GMDS: variants seen among roughly 807,000 people sequenced by gnomAD.
The protein encoded by GMDS is GDP-mannose 4,6 dehydratase.
Under a neutral mutation model 49.9 loss-of-function variants are expected in GMDS, and 20 were observed. The ratio of observed to expected loss-of-function variants is 0.40; its 90% CI spans 0.28 to 0.58. The LOEUF (loss-of-function observed/expected upper bound fraction) is 0.58, where lower values mean the gene tolerates loss of function less well. Ranked by LOEUF, GMDS falls within the 20% of genes least tolerant of loss-of-function variation. The probability of loss-of-function intolerance (pLI) is 0.42; values close to 1 mark genes in which losing one functional copy is unlikely to be tolerated. For synonymous variants in GMDS, 177 were observed against 178.6 expected (o/e 0.99, Z 0.07); for missense variants, 362 against 481.4 (o/e 0.75, Z 2.32).
chr6:1,866,977 A>G (rs1361006210), intron 7 of GMDS, among the ~76,000 whole-genome samples: 1 of 152,232 alleles, frequency 6.6e-6, no homozygotes, highest in Non-Finnish European at 1.5e-5. Context: ...ATCGACAACA[A>G]TTTTTAAAAA....
intron 1 of GMDS, among the ~76,000 whole-genome samples, chr6:2,221,193 TAAAC>T (rs1780570157): frequency 6.6e-6 from 1 of 152,072 alleles, no homozygotes; most frequent in Admixed American, 6.5e-5. Context: ...CTCAAACAAA[TAAAC>T]AAAAAAACAC....
chr6:1,767,006 A>C (rs1335382502), intron 7 of GMDS, among the ~76,000 whole-genome samples: 1 of 152,212 alleles, frequency 6.6e-6, no homozygotes, highest in Non-Finnish European at 1.5e-5. Flanking sequence ...GCTGTAGGGC[A>C]CACTGAACTT....
At chr6:1,910,863 T>C (rs913748247) in intron 7 of GMDS, among the ~76,000 whole-genome samples, 3 of 152,228 alleles carry the variant, frequency 2.0e-5, no homozygotes, top group African/African-American at 4.8e-5. Context: ...TTTCTCTGAA[T>C]GAGTTAAGCA....
intron 9 of GMDS, among the ~76,000 whole-genome samples, chr6:1,674,959 C>T (rs1561718650): frequency 1.3e-5 from 2 of 151,304 alleles, no homozygotes. Context: ...TTTTTTGAGA[C>T]AGAGTTTTGC....
At chr6:1,769,017 G>T (rs1768470906) in intron 7 of GMDS, among the ~76,000 whole-genome samples, 1 of 152,134 alleles carries the variant, frequency 6.6e-6, no homozygotes, top group African/African-American at 2.4e-5. Context: ...AGCTTACTCT[G>T]TCTGATTATA....
At chr6:1,873,056 G>C (rs1758855751) in intron 7 of GMDS, among the ~76,000 whole-genome samples, 1 of 152,218 alleles carries the variant, frequency 6.6e-6, no homozygotes, top group South Asian at 2.1e-4. Flanking sequence ...TCACAGGAAA[G>C]ATAGAGACAC....
chr6:2,025,876 T>C (rs2127410772), intron 4 of GMDS, among the ~76,000 whole-genome samples: 1 of 150,850 alleles, frequency 6.6e-6, no homozygotes, highest in Middle Eastern at 3.7e-3. Context: ...TAAATTAGAT[T>C]ATTCTAACAG....
intron 1 of GMDS, among the ~76,000 whole-genome samples, chr6:2,243,547 A>G (rs1781713720): frequency 6.6e-6 from 1 of 152,182 alleles, no homozygotes; most frequent in African/African-American, 2.4e-5. Context: ...AAAAAAGGGA[A>G]TCATCTGCAG....
intron 4 of GMDS, among the ~76,000 whole-genome samples, chr6:2,039,971 G>A (rs776392737): frequency 2.6e-5 from 4 of 152,128 alleles, no homozygotes; most frequent in South Asian, 2.1e-4. Flanking sequence ...TTACACCAGC[G>A]TCACAAACAC....
intron 4 of GMDS, among the ~76,000 whole-genome samples, chr6:2,101,324 A>G (rs570292599): frequency 1.3e-5 from 2 of 152,122 alleles, no homozygotes; most frequent in Non-Finnish European, 2.9e-5. Flanking sequence ...CAAAAAACAA[A>G]AAAAAGAGAG....
At chr6:2,078,610 T>C (rs1344754569) in intron 4 of GMDS, among the ~76,000 whole-genome samples, 5 of 152,120 alleles carry the variant, frequency 3.3e-5, no homozygotes, top group Non-Finnish European at 7.4e-5. Flanking sequence ...TTTTATTCCA[T>C]TGTGTTCTGA....
At chr6:2,185,497 G>A (rs372593165) in intron 1 of GMDS, among the ~76,000 whole-genome samples, 2 of 152,298 alleles carry the variant, frequency 1.3e-5, no homozygotes, top group Non-Finnish European at 1.5e-5. Context: ...CAACAATGTG[G>A]AAGAGTTAAA....
chr6:2,154,016 C>T (rs548142239), intron 1 of GMDS, among the ~76,000 whole-genome samples: 1 of 152,198 alleles, frequency 6.6e-6, no homozygotes, highest in Admixed American at 6.5e-5. Context: ...TGATTTTTGC[C>T]TTGTCCATAC....
intron 4 of GMDS, among the ~76,000 whole-genome samples, chr6:2,058,629 T>C (rs1355488969): frequency 2.6e-5 from 4 of 152,118 alleles, no homozygotes; most frequent in Admixed American, 2.6e-4. Flanking sequence ...TGGGAAGGGA[T>C]GTGGAGCCTG....
At chr6:2,204,500 C>T (rs552050319) in intron 1 of GMDS, among the ~76,000 whole-genome samples, 1 of 152,354 alleles carries the variant, frequency 6.6e-6, no homozygotes, top group South Asian at 2.1e-4. Context: ...CCTGCATTTA[C>T]AAGCTCACCT....
chr6:1,799,961 A>G (rs953112814), intron 7 of GMDS, among the ~76,000 whole-genome samples: 1 of 152,136 alleles, frequency 6.6e-6, no homozygotes, highest in Non-Finnish European at 1.5e-5. Context: ...TTCATACCTT[A>G]ATGTCTTTTT....
intron 4 of GMDS, among the ~76,000 whole-genome samples, chr6:2,019,006 CTT>C (rs1012406189): frequency 3.9e-5 from 6 of 151,916 alleles, no homozygotes; most frequent in African/African-American, 1.5e-4. Context: ...TTGGTACTGT[CTT>C]TTTTATTATA....
chr6:2,141,373 C>T lies in GMDS; in HGVS notation c.103-16642G>A, dbSNP rs747170928. ...TTTCATGACCTAAACTGGACACAGG[C>T]CTGTTTATCATACGCACATGTAGAG... On this transcript the variant is annotated intron_variant, in intron 1 of 10. Transcript: ENST00000380815. Among the ~76,000 whole-genome samples, 68 of 152,192 alleles carry T rather than the reference C, an allele frequency of 4.5e-4. 1 individual carries two copies. The highest frequency in any genetic ancestry group is 1.0e-3 in the Admixed American group (16 of 15,286).
At chr6:1,678,028 CTTT>C (rs1581446973) in intron 9 of GMDS, among the ~76,000 whole-genome samples, 1 of 152,162 alleles carries the variant, frequency 6.6e-6, no homozygotes, top group East Asian at 1.9e-4. Context: ...GATGGAACTT[CTTT>C]AACTTTTTAT....
Sources: gnomAD v4.1 joint callset for allele counts (sites outside exome capture counted in the v4.1 genomes callset) on GRCh38, gnomAD v4.1.1 for gene constraint, MANE v1.5 for transcripts, NCBI Gene and HGNC (gene_info 2026-07-23, HGNC 2026-07-21) for gene names.